CHD7: variants seen among roughly 807,000 people sequenced by gnomAD.
CHD7 encodes ATP-dependent chromatin remodeler CHD7.
CHD7 carries 24 observed loss-of-function variants against 307.3 expected under a neutral mutation model. The ratio of observed to expected loss-of-function variants is 0.08; its 90% CI spans 0.06 to 0.11. CHD7 has a LOEUF of 0.11. CHD7 is among the 10% of genes least tolerant of loss of function. The probability of loss-of-function intolerance (pLI) is 1.00; values close to 1 mark genes in which losing one functional copy is unlikely to be tolerated. For missense variants in CHD7, 3,106 were observed against 3,727.1 expected (o/e 0.83, Z 4.34); for synonymous variants, 1,363 against 1,349.9 (o/e 1.01, Z -0.21).
intron 9 of CHD7, among the ~76,000 whole-genome samples, chr8:60,821,277 A>G (rs1473060084): frequency 6.6e-6 from 1 of 152,124 alleles, no homozygotes; most frequent in Non-Finnish European, 1.5e-5. Flanking sequence ...CAGCTTTGCT[A>G]TTTGCTAGCT....
At chr8:60,812,039 G>C (rs1442108558) in intron 7 of CHD7, among the ~76,000 whole-genome samples, 1 of 152,052 alleles carries the variant, frequency 6.6e-6, no homozygotes, top group African/African-American at 2.4e-5. Flanking sequence ...ATATATAAGG[G>C]ATATTAGTTC....
At chr8:60,850,424 T>C (rs1179257535) in intron 25 of CHD7, 69 bp from the exon 26 acceptor site, 2 of 1,543,428 alleles carry the variant, frequency 1.3e-6, no homozygotes, top group East Asian at 4.6e-5. Flanking sequence ...GGCAGTGCTG[T>C]GATTTTGCCA....
chr8:60,741,369 C>A lies in CHD7; in HGVS notation c.-64C>A. The A allele has an allele frequency of 8.6e-7, 1 of 1,161,796 alleles. No individual in the cohort carries two copies. The highest frequency in any genetic ancestry group is 1.2e-6 in the Non-Finnish European group (1 of 813,344). The allele number at this position is 1,161,796 out of a possible 1,614,324, so 72.0% of individuals were successfully genotyped here. A position where few individuals can be genotyped will look rare whatever the true frequency, so the allele number is the denominator to read the frequency against. On this transcript the variant is annotated 5_prime_UTR_variant, in exon 2 of 38. Coordinates refer to ENST00000423902, the MANE Select transcript of CHD7 (RefSeq NM_017780.4). ...TTATAGGCTTTGAGGGCAAACACCTCAGTGAAGTGAAGCACAGGCAAGCTC... is the reference window on the plus strand; with the variant it reads ...TTATAGGCTTTGAGGGCAAACACCTAAGTGAAGTGAAGCACAGGCAAGCTC...
chr8:60,812,750 TA>T (rs1471993677), intron 7 of CHD7, among the ~76,000 whole-genome samples: 1 of 151,868 alleles, frequency 6.6e-6, no homozygotes, highest in African/African-American at 2.4e-5. Flanking sequence ...TTATTTATTT[TA>T]TTTATTTTTT....
rs1200658455 is a variant in CHD7, at chr8:60,742,326, A to G, written c.894A>G (p.Thr298=). Residue 298 remains threonine, a synonymous_variant, in exon 2 of 38, where the codon ACA becomes ACG. Transcript: ENST00000423902. ...QTLNFSSRSQ[T]VPSPTINNSG... ...TTAACTTTAGTTCTCGGAGCCAGACAGTCCCCTCTCCTACTATAAACAACT... is the reference window on the plus strand; with the variant it reads ...TTAACTTTAGTTCTCGGAGCCAGACGGTCCCCTCTCCTACTATAAACAACT... 6.2e-7 allele frequency: 1 copy of G among 1,613,872 alleles called. No individual in the cohort carries two copies.
Position 60,819,998 on chromosome 8 carries a change from T to C in CHD7, c.2614-9T>C, listed in dbSNP as rs2150745067. ...AAACCTTTAACTTTTTTTTTTCCCTTTGGTGTAGATTGAGGATGAGCTTTT... is the reference window on the plus strand; with the variant it reads ...AAACCTTTAACTTTTTTTTTTCCCTCTGGTGTAGATTGAGGATGAGCTTTT... On this transcript the variant is annotated splice_polypyrimidine_tract_variant and intron_variant, in intron 8 of 37. Transcript: ENST00000423902. 1 of 1,582,014 alleles carries C rather than the reference T, an allele frequency of 6.3e-7. No homozygotes were observed.
chr8:60,755,222 A>C (rs1809832809), intron 2 of CHD7, among the ~76,000 whole-genome samples: 1 of 152,210 alleles, frequency 6.6e-6, no homozygotes, highest in African/African-American at 2.4e-5. Context: ...CTGCAGTGTA[A>C]TTTAGTAGCT....
At chr8:60,863,003 A>AAAAACAAAAC (rs147759163) in intron 37 of CHD7, 2 of 191,402 alleles carry the variant, frequency 1.0e-5, no homozygotes, top group African/African-American at 4.8e-5. Flanking sequence ...TTTCTGATTT[A>AAAAACAAAAC]AAAACAAAAC....
rs542341573 is a variant in CHD7 at position 60,842,887 on chromosome 8, C to T, written c.4850+835C>T. Among the ~76,000 whole-genome samples the T allele has an allele frequency of 2.0e-5, 3 of 152,316 alleles. No individual in the cohort carries two copies. In the South Asian group the frequency reaches 6.2e-4, roughly 32 times the overall value. On this transcript the variant is annotated intron_variant, in intron 21 of 37. Transcript: ENST00000423902. ...TAGTCCAAGCTTCTGTTAGGACAGACGGCTTCATCTCCTTCAGTGCGCCAC... is the reference window on the plus strand; with the variant it reads ...TAGTCCAAGCTTCTGTTAGGACAGATGGCTTCATCTCCTTCAGTGCGCCAC...
intron 1 of CHD7, among the ~76,000 whole-genome samples, chr8:60,722,818 CAT>C (rs1004190886): frequency 2.6e-5 from 4 of 152,156 alleles, no homozygotes; most frequent in Admixed American, 6.5e-5. Context: ...AATCTGGTCT[CAT>C]GTGGACATGT....
chr8:60,861,157 A>G (rs762436063), intron 35 of CHD7, 32 bp downstream of exon 35: 4 of 1,506,790 alleles, frequency 2.7e-6, no homozygotes, highest in Non-Finnish European at 3.6e-6. Flanking sequence ...GTTGGAAGGA[A>G]TCTTGCAGGC....
At chr8:60,730,044 A>G (rs940517313) in intron 1 of CHD7, among the ~76,000 whole-genome samples, 8 of 152,356 alleles carry the variant, frequency 5.3e-5, no homozygotes, top group Middle Eastern at 3.4e-3. Flanking sequence ...ATTACAGTCA[A>G]TGCTCAATGA....
intron 4 of CHD7, 33 bp from the exon 5 acceptor site, chr8:60,800,355 T>A: frequency 1.6e-5 from 26 of 1,604,886 alleles, no homozygotes; most frequent in Non-Finnish European, 2.2e-5. Context: ...TAATCATTAA[T>A]TTCAAGGCCA....
chr8:60,721,340 G>A (rs1349768698), intron 1 of CHD7, among the ~76,000 whole-genome samples: 1 of 152,218 alleles, frequency 6.6e-6, no homozygotes, highest in East Asian at 1.9e-4. Context: ...GGCCATGTGT[G>A]CACACAGTGA....
chr8:60,844,540 G>A (rs973532462), intron 21 of CHD7, among the ~76,000 whole-genome samples: 5 of 152,166 alleles, frequency 3.3e-5, no homozygotes, highest in South Asian at 4.1e-4. Flanking sequence ...GTGAAGCAAA[G>A]TCCATGATTT....
Position 60,867,911 on chromosome 8 carries a change from C to T in CHD7, c.*1978C>T, listed in dbSNP as rs941015831. 2.6e-5 allele frequency: 4 copies of T among 151,576 alleles called. No individual in the cohort carries two copies. Among genetic ancestry groups the T allele is most frequent in the African/African-American group, 4.9e-5 (2 of 40,940 alleles). The allele number at this position is 151,576 out of a possible 1,614,324, so 9.4% of individuals were successfully genotyped here. ...TTTTTGAAAGGGAATTATTTGAACA[C>T]GGGAAAGTGAAACTAGGTCTGCATG... On this transcript the variant is annotated 3_prime_UTR_variant, in exon 38 of 38. Coordinates refer to ENST00000423902, the MANE Select transcript of CHD7 (RefSeq NM_017780.4).
chr8:60,765,295 T>C (rs906517827), intron 2 of CHD7, among the ~76,000 whole-genome samples: 1 of 135,588 alleles, frequency 7.4e-6, no homozygotes, highest in African/African-American at 2.7e-5. Flanking sequence ...CCCACACACA[T>C]ATGCATGCAT....
Position 60,865,877 on chromosome 8 carries a change from G to A in CHD7, c.8938G>A (p.Glu2980Lys), listed in dbSNP as rs1806223461. Reference sequence around the variant, plus strand: ...AGAAGACGAAATAGCACAGGGTGAAGAGCTAGACTCACTTGATGGGGGGGA... The same window carrying A: ...AGAAGACGAAATAGCACAGGGTGAAAAGCTAGACTCACTTGATGGGGGGGA... The part of the protein sequence containing the change: ...LLEDEIAQGE[E>K]LDSLDGGDEI... The change falls in exon 38 of 38, where the codon GAG becomes AAG. Residue 2980 changes from glutamate to lysine, a missense_variant. Transcript: ENST00000423902. This position sits in a 1 kb window ranked among gnomAD's most constrained non-coding sequence, Gnocchi z 4.3. The A allele has an allele frequency of 6.2e-7, 1 of 1,611,776 alleles. No individual in the cohort carries two copies.
chr8:60,843,507 G>T (rs541969907), intron 21 of CHD7, among the ~76,000 whole-genome samples: 2 of 152,300 alleles, frequency 1.3e-5, no homozygotes, highest in Admixed American at 1.3e-4. Context: ...ACACCTATGT[G>T]CTAGGCACTG....
Sources: gnomAD v4.1 joint callset for allele counts (sites outside exome capture counted in the v4.1 genomes callset) on GRCh38, gnomAD v4.1.1 for gene constraint, Gnocchi (gnomAD v3.1) non-coding constraint, MANE v1.5 for transcripts, NCBI Gene and HGNC (gene_info 2026-07-23, HGNC 2026-07-21) for gene names.